The following TMEM132B variants were observed in gnomAD, a reference collection of about 807,000 sequenced individuals.
The protein encoded by TMEM132B is transmembrane protein 132B.
In TMEM132B, 18 loss-of-function variants were observed where a neutral mutation model predicts 90.8. That is an observed-to-expected ratio of 0.20 (90% CI 0.14 to 0.29). The LOEUF is 0.29. Among genes scored for constraint, TMEM132B ranks in the 10% least tolerant of loss-of-function variants. The pLI is 1.00. For synonymous variants in TMEM132B, 504 were observed against 523.3 expected, an observed-to-expected ratio of 0.96 and a Z score of 0.50; for missense variants, 1,096 against 1,326.8, an observed-to-expected ratio of 0.83 and a Z score of 2.70.
chr12:125,307,807 A>ACTTATATTACAAGTATATATG (rs1876023591), intron 1 of TMEM132B, among the ~76,000 whole-genome samples: 1 of 137,292 alleles, frequency 7.3e-6, no homozygotes, highest in African/African-American at 2.7e-5. Context: ...AAGTATATAT[A>ACTTATATTACAAGTATATATG]CTTATAATAC....
At chr12:125,457,444 G>A (rs1881322966) in intron 3 of TMEM132B, among the ~76,000 whole-genome samples, 2 of 152,328 alleles carry the variant, frequency 1.3e-5, no homozygotes, top group African/African-American at 4.8e-5. Flanking sequence ...ATCACGGCCA[G>A]CTCTTACAGC....
At chr12:125,332,408 T>G (rs12321975) in intron 1 of TMEM132B, among the ~76,000 whole-genome samples, 2,933 of 152,128 alleles carry the variant, frequency 0.019, 193 homozygotes, top group Admixed American at 0.14. Flanking sequence ...ATATTTTACT[T>G]TCTTTTATTC....
At chr12:125,472,628 C>A (rs1268270043) in intron 3 of TMEM132B, among the ~76,000 whole-genome samples, 1 of 152,144 alleles carries the variant, frequency 6.6e-6, no homozygotes, top group East Asian at 1.9e-4. Flanking sequence ...ATGTGATGGT[C>A]TTCAGAGGAG....
intron 1 of TMEM132B, among the ~76,000 whole-genome samples, chr12:125,224,946 G>A (rs1873644534): frequency 6.6e-6 from 1 of 152,206 alleles, no homozygotes; most frequent in Non-Finnish European, 1.5e-5. Flanking sequence ...TCCTAACAGA[G>A]ATCTTCTAAA....
At chr12:125,517,078 CT>C (rs1883178298) in intron 3 of TMEM132B, among the ~76,000 whole-genome samples, 1 of 152,154 alleles carries the variant, frequency 6.6e-6, no homozygotes, top group South Asian at 2.1e-4. Flanking sequence ...TAGGGGTCCC[CT>C]GATGGGAAGG....
At chr12:125,584,192 T>TC in intron 5 of TMEM132B, 198 bp downstream of exon 5, 1 of 668,130 alleles carries the variant, frequency 1.5e-6, no homozygotes, top group Non-Finnish European at 2.6e-6. Context: ...TGATGCTGCT[T>TC]CCCTCTCCCT....
At chr12:125,382,865 G>A (rs765189613) in intron 2 of TMEM132B, among the ~76,000 whole-genome samples, 6 of 152,124 alleles carry the variant, frequency 3.9e-5, no homozygotes, top group Non-Finnish European at 5.9e-5. Flanking sequence ...TTTGTTAATG[G>A]CTTTCCATTC....
chr12:125,505,614 G>A (rs1162781650), intron 3 of TMEM132B, among the ~76,000 whole-genome samples: 1 of 151,752 alleles, frequency 6.6e-6, no homozygotes, highest in Non-Finnish European at 1.5e-5. Context: ...CAGGAGAATC[G>A]CATGAACCGG....
chr12:125,586,655 C>T (rs1885185793), intron 5 of TMEM132B: 1 of 152,216 alleles, frequency 6.6e-6, no homozygotes, highest in South Asian at 2.1e-4. Flanking sequence ...GTAGATACCA[C>T]CCACCTCTGA....
intron 1 of TMEM132B, among the ~76,000 whole-genome samples, chr12:125,191,691 A>G (rs560126036): frequency 1.4e-3 from 218 of 152,356 alleles, no homozygotes; most frequent in African/African-American, 4.8e-3. Context: ...GTAGAAATCA[A>G]ACACATCAGA....
chr12:125,203,884 A>G (rs1873123259), intron 1 of TMEM132B, among the ~76,000 whole-genome samples: 2 of 152,238 alleles, frequency 1.3e-5, no homozygotes, highest in Admixed American at 1.3e-4. Context: ...TGACCTCCAC[A>G]GAGTACTTTG....
In TMEM132B at chr12:125,317,177, C is replaced by T. The variant is rs147854545; in HGVS notation, c.68-32275C>T. Reference sequence around the variant, plus strand: ...GGCAAGTGACTTCCCCTCTCTGTGCCTCAGTTTCCTCCTCAGATGGAGCTG... The same window carrying T: ...GGCAAGTGACTTCCCCTCTCTGTGCTTCAGTTTCCTCCTCAGATGGAGCTG... On this transcript the variant is annotated intron_variant, in intron 1 of 8. Coordinates refer to ENST00000682704, the MANE Select transcript of TMEM132B (RefSeq NM_001366854.1). 1.5e-3 allele frequency among the ~76,000 whole-genome samples: 222 copies of T among 151,396 alleles called. 1 individual carries two copies. Among genetic ancestry groups the T allele is most frequent in the African/African-American group, 5.1e-3 (209 of 41,314 alleles).
chr12:125,404,739 C>G (rs1465121175), intron 2 of TMEM132B, among the ~76,000 whole-genome samples: 1 of 152,184 alleles, frequency 6.6e-6, no homozygotes, highest in East Asian at 1.9e-4. Flanking sequence ...GAATTAAATT[C>G]TGGGAGTCTT....
intron 3 of TMEM132B, among the ~76,000 whole-genome samples, chr12:125,446,036 G>C (rs926746843): frequency 6.6e-6 from 1 of 152,216 alleles, no homozygotes; most frequent in Non-Finnish European, 1.5e-5. Context: ...TCTTGGGGAG[G>C]TCTCTCCAGG....
At chr12:125,190,816 G>A (rs1341191023) in intron 1 of TMEM132B, among the ~76,000 whole-genome samples, 1 of 23,360 alleles carries the variant, frequency 4.3e-5, no homozygotes, top group African/African-American at 2.4e-4. Flanking sequence ...GGGAAGGGGT[G>A]GTGATGGTGA....
rs1448238 is a variant in TMEM132B at position 125,251,506 on chromosome 12, A to C, written c.67+64640A>C. Reference sequence around the variant, plus strand: ...TATGAGAGGGAAGAAGTCTGGGTTTAAGAAATTCGCTGCTCTCTGCCTATC... The same window carrying C: ...TATGAGAGGGAAGAAGTCTGGGTTTCAGAAATTCGCTGCTCTCTGCCTATC... On this transcript the variant is annotated intron_variant, in intron 1 of 8. Coordinates refer to ENST00000682704, the MANE Select transcript of TMEM132B (RefSeq NM_001366854.1). This position sits in a 1 kb window ranked among gnomAD's most constrained non-coding sequence, Gnocchi z 4.4. 0.055 allele frequency among the ~76,000 whole-genome samples: 8,353 copies of C among 152,254 alleles called. 316 individuals are homozygous for C. The highest frequency in any genetic ancestry group is 0.099 in the African/African-American group (4,105 of 41,534).
intron 1 of TMEM132B, among the ~76,000 whole-genome samples, chr12:125,244,495 G>A (rs1874163835): frequency 6.6e-6 from 1 of 152,212 alleles, no homozygotes; most frequent in Non-Finnish European, 1.5e-5. Flanking sequence ...CTGATGTGGG[G>A]CCTTGCTTTC....
At chr12:125,599,512 G>A (rs1276646475) in intron 5 of TMEM132B, among the ~76,000 whole-genome samples, 2 of 152,166 alleles carry the variant, frequency 1.3e-5, no homozygotes, top group African/African-American at 4.8e-5. Flanking sequence ...TGTGGCCTAT[G>A]GTGAGAATTG....
chr12:125,630,957 C>G (rs1886356127), intron 5 of TMEM132B, among the ~76,000 whole-genome samples: 1 of 152,014 alleles, frequency 6.6e-6, no homozygotes, highest in African/African-American at 2.4e-5. Context: ...TTTCATTGAT[C>G]TTTTGTATTG....
Sources: allele counts gnomAD v4.1 joint callset (sites outside exome capture counted in the v4.1 genomes callset), GRCh38; gene constraint gnomAD v4.1.1; non-coding constraint Gnocchi (gnomAD v3.1); transcripts MANE v1.5; gene names NCBI Gene and HGNC (gene_info 2026-07-23, HGNC 2026-07-21).